Variants in ARHGAP35 observed in about 807,000 individuals in gnomAD.
The protein encoded by ARHGAP35 is Rho GTPase activating protein 35, also known as rho GTPase-activating protein 35.
ARHGAP35 carries 15 observed loss-of-function variants against 111.1 expected under a neutral mutation model. The observed-to-expected ratio is 0.13, with a 90% confidence interval of 0.09 to 0.21. The LOEUF (loss-of-function observed/expected upper bound fraction) is 0.21, where lower values mean the gene tolerates loss of function less well. ARHGAP35 is among the 10% of genes least tolerant of loss of function. The pLI, the probability that ARHGAP35 is intolerant of heterozygous loss-of-function variation, is 1.00. For synonymous variants in ARHGAP35, 643 were observed against 710.3 expected (o/e 0.91, Z 1.51); for missense variants, 1,262 against 1,873.0 (o/e 0.67, Z 6.02).
chr19:46,891,005 G>A (rs1371659384), intron 1 of ARHGAP35, among the ~76,000 whole-genome samples: 1 of 152,132 alleles, frequency 6.6e-6, no homozygotes, highest in African/African-American at 2.4e-5. Flanking sequence ...TAGTCAGTAT[G>A]GTAATAAGCT....
intron 1 of ARHGAP35, among the ~76,000 whole-genome samples, chr19:46,900,778 A>AT (rs2056080353): frequency 6.6e-6 from 1 of 151,372 alleles, no homozygotes; most frequent in Admixed American, 6.6e-5. Flanking sequence ...GAAAAAAAAA[A>AT]CATTCCTCGG....
intron 2 of ARHGAP35, among the ~76,000 whole-genome samples, chr19:46,936,662 C>G (rs2122224216): frequency 6.6e-6 from 1 of 152,224 alleles, no homozygotes; most frequent in East Asian, 1.9e-4. Flanking sequence ...TGTAGATAAT[C>G]ATCGTATTGT....
chr19:46,878,900 G>T (rs1232253453), intron 1 of ARHGAP35, among the ~76,000 whole-genome samples: 1 of 152,178 alleles, frequency 6.6e-6, no homozygotes, highest in Non-Finnish European at 1.5e-5. Flanking sequence ...TGAAGGTTGG[G>T]CTGGCTGCAG....
At chr19:46,960,018 G>A (rs1022121576) in intron 3 of ARHGAP35, among the ~76,000 whole-genome samples, 3 of 150,102 alleles carry the variant, frequency 2.0e-5, no homozygotes, top group African/African-American at 7.4e-5. Flanking sequence ...GCTAAGGTGG[G>A]AGGATTGCTT....
chr19:46,980,934 C>T (rs2056617364), intron 3 of ARHGAP35, among the ~76,000 whole-genome samples: 2 of 152,206 alleles, frequency 1.3e-5, no homozygotes, highest in Non-Finnish European at 2.9e-5. Context: ...CTCTGTTACA[C>T]ATAGAAGGAA....
chr19:46,863,537 A>G (rs1190427387), intron 1 of ARHGAP35, among the ~76,000 whole-genome samples: 3 of 151,932 alleles, frequency 2.0e-5, no homozygotes, highest in African/African-American at 7.3e-5. Flanking sequence ...AGCTGCTCGC[A>G]GATCTTTATT....
chr19:46,984,031 C>G (rs2056635954), intron 3 of ARHGAP35, among the ~76,000 whole-genome samples: 2 of 152,116 alleles, frequency 1.3e-5, no homozygotes, highest in South Asian at 4.1e-4. Context: ...TGAGCTTTTT[C>G]TTGTTCTATT....
Position 46,986,950 on chromosome 19 carries a change from T to C in ARHGAP35, c.3827-1039T>C, listed in dbSNP as rs2056653829. On this transcript the variant is annotated intron_variant, in intron 3 of 6. Coordinates refer to ENST00000672722, the MANE Select transcript of ARHGAP35 (RefSeq NM_004491.5). The surrounding 1 kb of genome is among the most constrained non-coding windows in gnomAD (Gnocchi z 4.3). ...TTCAAGCAATTCTTCTGCCTCAGCC[T>C]CCCGAGTAGCTGGGATTATAGGCAT... Among the ~76,000 whole-genome samples the C allele has an allele frequency of 6.6e-6, 1 of 152,156 alleles. No individual in the cohort carries two copies. The highest frequency in any genetic ancestry group is 6.5e-5 in the Admixed American group (1 of 15,278).
chr19:46,869,008 C>T (rs984003716), intron 1 of ARHGAP35, among the ~76,000 whole-genome samples: 2 of 143,590 alleles, frequency 1.4e-5, no homozygotes, highest in African/African-American at 5.2e-5. Context: ...CAGGTTCAAG[C>T]GATTCTCCTG....
chr19:46,876,475 C>T (rs2055922342), intron 1 of ARHGAP35, among the ~76,000 whole-genome samples: 2 of 151,766 alleles, frequency 1.3e-5, no homozygotes, highest in East Asian at 1.9e-4. Flanking sequence ...CCAGTTCAAG[C>T]GATTCTCCTG....
At chr19:46,978,157 G>T (rs1401301289) in intron 3 of ARHGAP35, among the ~76,000 whole-genome samples, 1 of 152,150 alleles carries the variant, frequency 6.6e-6, no homozygotes, top group African/African-American at 2.4e-5. Flanking sequence ...AGAAGTTTGT[G>T]TTGTACCCTA....
intron 1 of ARHGAP35, among the ~76,000 whole-genome samples, chr19:46,866,303 C>T (rs911769897): frequency 3.9e-5 from 6 of 152,176 alleles, no homozygotes; most frequent in African/African-American, 1.2e-4. Context: ...TGACGCCTTG[C>T]GTTCATTGGA....
chr19:46,987,218 C>CTTT (rs370500363), intron 3 of ARHGAP35, among the ~76,000 whole-genome samples: 16 of 115,584 alleles, frequency 1.4e-4, no homozygotes, highest in East Asian at 2.5e-4. Flanking sequence ...TCTTTTTTTT[C>CTTT]TTTTTTTTTT....
At chr19:46,882,283 T>G (rs2055966589) in intron 1 of ARHGAP35, among the ~76,000 whole-genome samples, 5 of 151,222 alleles carry the variant, frequency 3.3e-5, no homozygotes. Context: ...TGCAGGCATA[T>G]GCCACCATCC....
intron 2 of ARHGAP35, among the ~76,000 whole-genome samples, chr19:46,934,278 G>A (rs2122220643): frequency 6.6e-6 from 1 of 152,222 alleles, no homozygotes; most frequent in Non-Finnish European, 1.5e-5. Flanking sequence ...AAAAAAATAG[G>A]AAACATTTTA....
intron 3 of ARHGAP35, among the ~76,000 whole-genome samples, chr19:46,968,450 A>G (rs904648888): frequency 6.6e-6 from 1 of 152,212 alleles, no homozygotes; most frequent in Non-Finnish European, 1.5e-5. Context: ...GCTGGAGGCC[A>G]GCCACAAAGT....
At chr19:46,870,061 C>T (rs1234086747) in intron 1 of ARHGAP35, among the ~76,000 whole-genome samples, 1 of 151,134 alleles carries the variant, frequency 6.6e-6, no homozygotes, top group Non-Finnish European at 1.5e-5. Context: ...ATTCTCCTGC[C>T]TCAGCCACCC....
chr19:46,861,278 A>G (rs1287155496), intron 1 of ARHGAP35, among the ~76,000 whole-genome samples, 69 bp downstream of exon 1: 1 of 146,898 alleles, frequency 6.8e-6, no homozygotes, highest in Non-Finnish European at 1.5e-5. Flanking sequence ...GTCCAGGGGG[A>G]GGCGGGGACG....
At chr19:46,944,691 A>G (rs2056368557) in intron 3 of ARHGAP35, among the ~76,000 whole-genome samples, 1 of 152,196 alleles carries the variant, frequency 6.6e-6, no homozygotes, top group African/African-American at 2.4e-5. Context: ...TGTGACTGGC[A>G]TCTCCCAGCC....
Sources: gnomAD v4.1 joint callset for allele counts (sites outside exome capture counted in the v4.1 genomes callset) on GRCh38, gnomAD v4.1.1 for gene constraint, Gnocchi (gnomAD v3.1) non-coding constraint, MANE v1.5 for transcripts, NCBI Gene and HGNC (gene_info 2026-07-23, HGNC 2026-07-21) for gene names.